Variants in PHKB observed in about 807,000 individuals in gnomAD.
PHKB encodes the protein phosphorylase b kinase regulatory subunit beta.
PHKB carries 122 observed loss-of-function variants against 152.1 expected under a neutral mutation model. The ratio of observed to expected loss-of-function variants is 0.80; its 90% CI spans 0.69 to 0.93. The LOEUF (loss-of-function observed/expected upper bound fraction) is 0.93. Among genes scored for constraint, PHKB ranks in the 40% least tolerant of loss-of-function variants. The pLI, the probability that PHKB is intolerant of heterozygous loss-of-function variation, is 0.00. For missense variants in PHKB, 1,304 were observed against 1,328.4 expected, an observed-to-expected ratio of 0.98 and a Z score of 0.29; for synonymous variants, 436 against 464.9, an observed-to-expected ratio of 0.94 and a Z score of 0.80.
intron 6 of PHKB, among the ~76,000 whole-genome samples, chr16:47,539,562 T>C (rs1476058088): frequency 6.6e-6 from 1 of 152,126 alleles, no homozygotes; most frequent in Admixed American, 6.5e-5. Flanking sequence ...ATTGAGAAGA[T>C]TTAAATTTTA....
chr16:47,695,659 C>T (rs1974134510), intron 28 of PHKB, among the ~76,000 whole-genome samples: 2 of 152,178 alleles, frequency 1.3e-5, no homozygotes, highest in Non-Finnish European at 1.5e-5. Context: ...ATTTCTGCCT[C>T]TCTGGTAATG....
intron 6 of PHKB, among the ~76,000 whole-genome samples, chr16:47,528,696 C>CTTTTTTTTTTTTTTT (rs11450311): frequency 7.3e-6 from 1 of 137,390 alleles, no homozygotes; most frequent in Non-Finnish European, 1.5e-5. Flanking sequence ...AGGACTTTTT[C>CTTTTTTTTTTTTTTT]TTTTTTTTTT....
rs752908860 is a variant in PHKB at position 47,461,415 on chromosome 16, C to T, written c.65C>T (p.Thr22Ile). ...AAGGTCTTGGAGCGAAGAGCTCGGA[C>T]CAAGCGCTCAGGTTTGGCTGGCTGG... ...SWKVLERRAR[T>I]KRSGSVYEPL... Residue 22 changes from threonine to isoleucine, a missense_variant, in exon 1 of 31, where the codon ACC becomes ATC. Transcript: ENST00000323584. 1.2e-6 allele frequency: 2 copies of T among 1,613,282 alleles called. No individual in the cohort carries two copies. The highest frequency in any genetic ancestry group is 3.3e-5 in the Admixed American group (2 of 60,016).
chr16:47,651,646 A>G (rs1017516706), intron 20 of PHKB, among the ~76,000 whole-genome samples: 1 of 152,228 alleles, frequency 6.6e-6, no homozygotes, highest in Non-Finnish European at 1.5e-5. Context: ...ATAGGCTTAT[A>G]TACTTTATTT....
intron 8 of PHKB, among the ~76,000 whole-genome samples, chr16:47,585,087 A>AT (rs1258917742): frequency 2.0e-5 from 3 of 152,218 alleles, no homozygotes; most frequent in African/African-American, 7.2e-5. Context: ...ATCATCTTCC[A>AT]GTCCCAGTGC....
chr16:47,633,662 A>T (rs1302819354), intron 14 of PHKB, among the ~76,000 whole-genome samples: 1 of 152,198 alleles, frequency 6.6e-6, no homozygotes, highest in Non-Finnish European at 1.5e-5. Context: ...CCAAACGTAA[A>T]GGGACAGTGG....
chr16:47,637,284 T>C (rs1176830547), intron 14 of PHKB, among the ~76,000 whole-genome samples: 1 of 152,162 alleles, frequency 6.6e-6, no homozygotes, highest in African/African-American at 2.4e-5. Context: ...CTTCTGGACA[T>C]GGGACAAGAA....
At chr16:47,630,098 G>A (rs535530587) in intron 14 of PHKB, among the ~76,000 whole-genome samples, 30 of 152,076 alleles carry the variant, frequency 2.0e-4, no homozygotes, top group Admixed American at 9.2e-4. Flanking sequence ...TGGGTGTAGC[G>A]CACCAGCAAG....
intron 6 of PHKB, 32 bp from the exon 7 acceptor site, chr16:47,547,401 A>G (rs1265758895): frequency 1.5e-6 from 2 of 1,327,468 alleles, no homozygotes; most frequent in Non-Finnish European, 2.2e-6. Flanking sequence ...GTTATTGAGT[A>G]TGTCCTTATG....
chr16:47,635,717 G>T (rs146075988), intron 14 of PHKB, among the ~76,000 whole-genome samples: 1 of 152,332 alleles, frequency 6.6e-6, no homozygotes, highest in South Asian at 2.1e-4. Flanking sequence ...TGAGAGGCAG[G>T]ATAAGTGAGT....
chr16:47,688,581 T>G (rs2142101512), intron 26 of PHKB, among the ~76,000 whole-genome samples: 1 of 152,206 alleles, frequency 6.6e-6, no homozygotes, highest in East Asian at 1.9e-4. Flanking sequence ...GGAAATTGGT[T>G]TAAAACAAAA....
At chr16:47,558,342 C>G (rs995189471) in intron 7 of PHKB, among the ~76,000 whole-genome samples, 1 of 151,834 alleles carries the variant, frequency 6.6e-6, no homozygotes. Context: ...TGTAACTAAC[C>G]TGCACGTTGT....
At chr16:47,582,484 C>T (rs905720360) in intron 8 of PHKB, among the ~76,000 whole-genome samples, 1 of 152,170 alleles carries the variant, frequency 6.6e-6, no homozygotes, top group African/African-American at 2.4e-5. Flanking sequence ...TATTGTTCCT[C>T]AGCCAGTTTC....
intron 22 of PHKB, among the ~76,000 whole-genome samples, chr16:47,661,319 T>C (rs892655789): frequency 1.3e-5 from 2 of 152,170 alleles, no homozygotes; most frequent in African/African-American, 4.8e-5. Flanking sequence ...GCTAGCAACA[T>C]GGTCTCCCAT....
At chr16:47,648,347 A>G (rs535121420) in intron 16 of PHKB, among the ~76,000 whole-genome samples, 186 bp from the exon 17 acceptor site, 1 of 152,194 alleles carries the variant, frequency 6.6e-6, no homozygotes, top group Non-Finnish European at 1.5e-5. Flanking sequence ...TTTGCTCTCA[A>G]ATCTCTCAGT....
At chr16:47,686,357 T>C (rs1342131620) in intron 26 of PHKB, among the ~76,000 whole-genome samples, 1 of 152,258 alleles carries the variant, frequency 6.6e-6, no homozygotes, top group African/African-American at 2.4e-5. Flanking sequence ...TGAAGTTAAT[T>C]GACTGTGACA....
At chr16:47,543,300 C>T (rs1056616924) in intron 6 of PHKB, among the ~76,000 whole-genome samples, 4 of 152,190 alleles carry the variant, frequency 2.6e-5, no homozygotes, top group South Asian at 2.1e-4. Context: ...GTGATGGATA[C>T]GTTTAATGAT....
chr16:47,649,031 C>T (rs1973185951), intron 17 of PHKB, 69 bp from the exon 18 acceptor site: 1 of 838,456 alleles, frequency 1.2e-6, no homozygotes, highest in Non-Finnish European at 2.1e-6. Context: ...TTTATTGAGA[C>T]TTACAGCACT....
At chr16:47,551,938 T>C (rs1052888987) in intron 7 of PHKB, among the ~76,000 whole-genome samples, 1 of 152,230 alleles carries the variant, frequency 6.6e-6, no homozygotes, top group African/African-American at 2.4e-5. Context: ...TAGCTCTTCT[T>C]GTTGCATTGA....
Sources: allele counts gnomAD v4.1 joint callset (sites outside exome capture counted in the v4.1 genomes callset), GRCh38; gene constraint gnomAD v4.1.1; transcripts MANE v1.5; gene names NCBI Gene and HGNC (gene_info 2026-07-23, HGNC 2026-07-21).